Variants in PUF60 observed in about 807,000 individuals in gnomAD.
PUF60 encodes poly(U)-binding-splicing factor PUF60.
In PUF60, 10 loss-of-function variants were observed where a neutral mutation model predicts 61.8. That is an observed-to-expected ratio of 0.16 (90% CI 0.10 to 0.27). The LOEUF (loss-of-function observed/expected upper bound fraction) is 0.27. PUF60 is among the 10% of genes least tolerant of loss of function. The pLI is 1.00. For missense variants in PUF60, 371 were observed against 754.0 expected (o/e 0.49, Z 5.95); for synonymous variants, 353 against 300.9 (o/e 1.17, Z -1.79).
chr8:143,817,298 AGAG>A lies in PUF60; in HGVS notation c.1144+30_1144+32del. 1 of 1,571,158 alleles carries A rather than the reference AGAG, an allele frequency of 6.4e-7. No homozygotes were observed. Among genetic ancestry groups the A allele is most frequent in the Non-Finnish European group, 8.6e-7 (1 of 1,162,074 alleles). ...GCGAGCCGAGAGATGCCAGGACAGGAGAGGAGAGGATCTGGTACCACTTAAGAC... is the reference window on the plus strand; with the variant it reads ...GCGAGCCGAGAGATGCCAGGACAGGAGAGAGGATCTGGTACCACTTAAGAC... On this transcript the variant is annotated intron_variant, in intron 10 of 11. Coordinates refer to ENST00000526683, the MANE Select transcript of PUF60 (RefSeq NM_078480.3). This position sits in a 1 kb window ranked among gnomAD's most constrained non-coding sequence, Gnocchi z 7.4.
chr8:143,821,269 C>T (rs1047637510), intron 4 of PUF60: 3 of 516,080 alleles, frequency 5.8e-6, no homozygotes, highest in African/African-American at 1.9e-5. Context: ...ATGCTGCCAC[C>T]ATCGGCTGTG....
chr8:143,821,704 G>A lies in PUF60; in HGVS notation c.208-18C>T. On this transcript the variant is annotated intron_variant, in intron 3 of 11. Coordinates refer to ENST00000526683, the MANE Select transcript of PUF60 (RefSeq NM_078480.3). ...TTCTTGGCCTGAGAGAGGCGGCAGT[G>A]AGGAGCACTGGGGGCCCAGCCCATG... 1 of 1,548,100 alleles carries A rather than the reference G, an allele frequency of 6.5e-7. No homozygotes were observed. Among genetic ancestry groups the A allele is most frequent in the Non-Finnish European group, 8.7e-7 (1 of 1,147,214 alleles).
chr8:143,817,535 C>T lies in PUF60; in HGVS notation c.1008+57G>A. ...CTCAAGACCACCTTGAATCAGTCTC[C>T]AAGGAATCAGGGGCCAGCCCGCCCA... On this transcript the variant is annotated intron_variant, in intron 9 of 11. Coordinates refer to ENST00000526683, the MANE Select transcript of PUF60 (RefSeq NM_078480.3). This position sits in a 1 kb window ranked among gnomAD's most constrained non-coding sequence, Gnocchi z 7.4. 1 of 1,608,486 alleles carries T rather than the reference C, an allele frequency of 6.2e-7. No homozygotes were observed. The highest frequency in any genetic ancestry group is 8.5e-7 in the Non-Finnish European group (1 of 1,179,110).
At chr8:143,824,508 C>A in intron 1 of PUF60, 109 bp from the exon 2 acceptor site, 1 of 1,188,590 alleles carries the variant, frequency 8.4e-7, no homozygotes, top group South Asian at 1.4e-5. Flanking sequence ...CAAGGGAGGC[C>A]AGGCAGGGAG....
intron 4 of PUF60, chr8:143,821,371 G>A (rs1028362893): frequency 2.2e-4 from 135 of 600,292 alleles, no homozygotes; most frequent in Middle Eastern, 4.4e-4. Flanking sequence ...AAGCAGCCAA[G>A]AAAGGGGCTG....
intron 4 of PUF60, 89 bp downstream of exon 4, chr8:143,821,507 CG>C: frequency 8.3e-7 from 1 of 1,200,386 alleles, no homozygotes; most frequent in South Asian, 1.3e-5. Flanking sequence ...CTTGCGGGGA[CG>C]GCCGCAGGCC....
rs1371573010 is a variant in PUF60, at chr8:143,816,781, C to T, written c.1419G>A (p.Lys473=). ...CCCCTTCCAGGTCATCATCGATGTCCTTGGGGTCCACCATGTTGCGCAGAA... is the reference window on the plus strand; with the variant it reads ...CCCCTTCCAGGTCATCATCGATGTCTTTGGGGTCCACCATGTTGCGCAGAA... ...VMVLRNMVDP[K]DIDDDLEGEV... The change falls in exon 12 of 12, where the codon AAG becomes AAA. Residue 473 remains lysine, a synonymous_variant. Coordinates refer to ENST00000526683, the MANE Select transcript of PUF60 (RefSeq NM_078480.3). 1 of 1,613,586 alleles carries T rather than the reference C, an allele frequency of 6.2e-7. No individual in the cohort carries two copies. Among genetic ancestry groups the T allele is most frequent in the Non-Finnish European group, 8.5e-7 (1 of 1,179,838 alleles).
At position 143,817,460 on chromosome 8, in the gene PUF60, C is replaced by T; in HGVS notation, c.1015G>A (p.Val339Met). ...ATAKITAQEA[V>M]AGAAVLGTLG... ...GTACCCAGCACCGCTGCTCCGGCCA[C>T]TGCTTCCTGCAACCCAAAAGGTCAC... is the stretch of plus-strand genomic sequence containing the variant. The change falls in exon 10 of 12, where the codon GTG becomes ATG. Residue 339 changes from valine to methionine, a missense_variant. Around this residue, in one of 13 missense-constraint regions of PUF60, gnomAD observed 31 missense variants for 61.6 expected, o/e 0.50. Coordinates refer to ENST00000526683, the MANE Select transcript of PUF60 (RefSeq NM_078480.3). The surrounding 1 kb of genome is among the most constrained non-coding windows in gnomAD (Gnocchi z 7.4). 1 of 1,609,602 alleles carries T rather than the reference C, an allele frequency of 6.2e-7. No homozygotes were observed. The highest frequency in any genetic ancestry group is 8.5e-7 in the Non-Finnish European group (1 of 1,178,664).
intron 4 of PUF60, 130 bp from the exon 5 acceptor site, chr8:143,820,846 A>G (rs1816923714): frequency 2.1e-5 from 18 of 866,264 alleles, no homozygotes; most frequent in Non-Finnish European, 3.4e-5. Context: ...GCCTTCCCAC[A>G]CTGCCGGCCG....
chr8:143,827,587 G>A, intron 1 of PUF60: 1 of 384,980 alleles, frequency 2.6e-6, no homozygotes, highest in Admixed American at 3.1e-5. Flanking sequence ...GCCCAACCAG[G>A]ACGGTGGGAA....
At chr8:143,826,641 C>T (rs979774180) in intron 1 of PUF60, among the ~76,000 whole-genome samples, 1 of 152,288 alleles carries the variant, frequency 6.6e-6, no homozygotes, top group South Asian at 2.1e-4. Context: ...ATTGCCTGAA[C>T]CCAGGAGGCA....
chr8:143,822,479 T>G (rs985964057), intron 2 of PUF60: 2 of 456,470 alleles, frequency 4.4e-6, no homozygotes, highest in Non-Finnish European at 8.8e-6. Context: ...GCAGGCACTG[T>G]GCACACCTCC....
intron 1 of PUF60, among the ~76,000 whole-genome samples, chr8:143,826,730 G>GA (rs1000765919): frequency 1.3e-4 from 20 of 149,016 alleles, no homozygotes; most frequent in East Asian, 5.8e-4. Context: ...CACACAAAAA[G>GA]AAAAAAAAAA....
intron 2 of PUF60, chr8:143,823,069 C>T (rs1817206582): frequency 5.9e-6 from 1 of 170,296 alleles, no homozygotes; most frequent in Non-Finnish European, 1.3e-5. Flanking sequence ...CCTGGAGACC[C>T]CTCCCCAGGC....
intron 2 of PUF60, chr8:143,822,738 C>T (rs1030437777): frequency 5.5e-6 from 2 of 363,530 alleles, no homozygotes; most frequent in Non-Finnish European, 1.1e-5. Context: ...AAGCTTTTTG[C>T]AGAGGGAAGA....
In PUF60 at chr8:143,818,656, G is replaced by A. The variant is rs910581509; in HGVS notation, c.349-122C>T. 331 of 1,058,284 alleles carry A rather than the reference G, an allele frequency of 3.1e-4. No homozygotes were observed. Among genetic ancestry groups the A allele is most frequent in the Non-Finnish European group, 4.0e-4 (302 of 752,628 alleles). The allele number at this position is 1,058,284 out of a possible 1,614,324, so 65.6% of individuals were successfully genotyped here. A position where few individuals can be genotyped will look rare whatever the true frequency, so the allele number is the denominator to read the frequency against. ...TGTGGGGAGGGCTCCCCACATGACA[G>A]GGAGGTGCGGGCTCCATCCCTGCAG... On this transcript the variant is annotated intron_variant, in intron 5 of 11. Coordinates refer to ENST00000526683, the MANE Select transcript of PUF60 (RefSeq NM_078480.3). The surrounding 1 kb of genome is among the most constrained non-coding windows in gnomAD (Gnocchi z 7.9).
chr8:143,817,671 A>T lies in PUF60; in HGVS notation c.929T>A (p.Leu310His). 1 of 1,612,634 alleles carries T rather than the reference A, an allele frequency of 6.2e-7. No individual in the cohort carries two copies. The highest frequency in any genetic ancestry group is 1.7e-5 in the Admixed American group (1 of 60,030). The change falls in exon 9 of 12, where the codon CTC becomes CAC. Residue 310 changes from leucine (L) to histidine (H), a missense_variant. Around this residue, in one of 13 missense-constraint regions of PUF60, gnomAD observed 17 missense variants for 19.2 expected, o/e 0.89. Coordinates refer to ENST00000526683, the MANE Select transcript of PUF60 (RefSeq NM_078480.3). This position sits in a 1 kb window ranked among gnomAD's most constrained non-coding sequence, Gnocchi z 7.4. ...GAGGCCTCCAGGCGTGGCTGGTGTG[A>T]GTAGGGGCATGGGCGGTGTGACAGC... is the stretch of plus-strand genomic sequence containing the variant. ...GKAVTPPMPLLTPATPGGLPP... is the reference protein window; with the variant it reads ...GKAVTPPMPLHTPATPGGLPP...
intron 1 of PUF60, chr8:143,827,207 G>C: frequency 2.8e-6 from 1 of 357,192 alleles, no homozygotes; most frequent in Non-Finnish European, 5.5e-6. Context: ...GTGGCTATGA[G>C]CTATGCCAGG....
intron 5 of PUF60, 165 bp downstream of exon 5, chr8:143,820,501 G>T: frequency 1.3e-6 from 1 of 769,886 alleles, no homozygotes; most frequent in Non-Finnish European, 2.2e-6. Context: ...CCGGGTGGGT[G>T]CCCACACCAC....
Sources: allele counts gnomAD v4.1 joint callset (sites outside exome capture counted in the v4.1 genomes callset), GRCh38; gene constraint gnomAD v4.1.1; regional missense constraint gnomAD v4.1.1; non-coding constraint Gnocchi (gnomAD v3.1); transcripts MANE v1.5; gene names NCBI Gene and HGNC (gene_info 2026-07-23, HGNC 2026-07-21).